HLA-DOB: variants seen among roughly 807,000 people sequenced by gnomAD.
HLA-DOB encodes major histocompatibility complex, class II, DO beta.
In HLA-DOB, 25 loss-of-function variants were observed where a neutral mutation model predicts 27.7. That is an observed-to-expected ratio of 0.90 (90% CI 0.66 to 1.26). The LOEUF is 1.26. HLA-DOB is among the 50% of genes most tolerant of loss of function. HLA-DOB has a pLI of 0.00. For missense variants in HLA-DOB, 306 were observed against 324.9 expected (o/e 0.94, Z 0.45); for synonymous variants, 137 against 125.6 (o/e 1.09, Z -0.61).
In HLA-DOB at chr6:32,813,832, T is replaced by C. The variant is rs778741202; in HGVS notation, c.645A>G (p.Arg215=). 2 of 1,536,398 alleles carry C rather than the reference T, an allele frequency of 1.3e-6. No individual in the cohort carries two copies. The highest frequency in any genetic ancestry group is 1.8e-6 in the Non-Finnish European group (2 of 1,131,074). The change falls in exon 4 of 6, where the codon AGA becomes AGG. Residue 215 remains arginine (R), a splice_region_variant and synonymous_variant. Coordinates refer to ENST00000438763, the MANE Select transcript of HLA-DOB (RefSeq NM_002120.4). Reference sequence around the variant, plus strand: ...TTCTCCAAGAATATTCAGACTGAGCTCCTATGGGAAACAGGTCTTTAAATT... The same window carrying C: ...TTCTCCAAGAATATTCAGACTGAGCCCCTATGGGAAACAGGTCTTTAAATT... ...SLLSPVSVEW[R]AQSEYSWRKM...
In HLA-DOB at chr6:32,815,071, C is replaced by T; in HGVS notation, c.334G>A (p.Gly112Ser). ...TTTCTCCCCACAGTGAAGGGTGCGC[C>T]CAGCCTGTAGTTGTGTCTACAGACC... Reference protein sequence around the residue: ...DGVCRHNYRLGAPFTVGRKVQ... With the variant: ...DGVCRHNYRLSAPFTVGRKVQ... The change falls in exon 2 of 6, where the codon GGC (glycine) becomes AGC (serine). Residue 112 changes from glycine (G) to serine (S), a missense_variant. Gly to Ser is a moderately conservative substitution (Grantham distance 56). Transcript: ENST00000438763. 1 of 1,614,162 alleles carries T rather than the reference C, an allele frequency of 6.2e-7. No homozygotes were observed. Among genetic ancestry groups the T allele is most frequent in the South Asian group, 1.1e-5 (1 of 91,084 alleles).
chr6:32,816,811 A>T lies in HLA-DOB; in HGVS notation c.91+50T>A, dbSNP rs776926902. 3 of 1,451,434 alleles carry T rather than the reference A, an allele frequency of 2.1e-6. No homozygotes were observed. In the African/African-American group the frequency reaches 4.2e-5, roughly 20 times the overall value. 89.9% of individuals were successfully genotyped at this position (1,451,434 alleles called of 1,614,324 possible). A position where few individuals can be genotyped will look rare whatever the true frequency, so the allele number is the denominator to read the frequency against. ...TTACAAAGAAAGGCATCACTCCCCC[A>T]TGCCAATTCTTGCATACACACTGGA... On this transcript the variant is annotated intron_variant, in intron 1 of 5. Coordinates refer to ENST00000438763, the MANE Select transcript of HLA-DOB (RefSeq NM_002120.4).
At chr6:32,813,535 G>A (rs1157273128) in intron 4 of HLA-DOB, 64 bp from the exon 5 acceptor site, 15 of 1,573,006 alleles carry the variant, frequency 9.5e-6, no homozygotes, top group South Asian at 6.7e-5. Context: ...TATCCCGAGG[G>A]AAGAACAAAT....
intron 3 of HLA-DOB, 26 bp from the exon 4 acceptor site, chr6:32,813,859 G>A: frequency 7.4e-7 from 1 of 1,344,404 alleles, no homozygotes; most frequent in South Asian, 1.3e-5. Flanking sequence ...CTTTAAATTA[G>A]TAAAAATATC....
chr6:32,813,053 G>T lies in HLA-DOB; in HGVS notation c.*163C>A. ...AAGGGCAGATGGGTGGGAGATGCAT[G>T]ATCTCAGAACACAGAGCTCCAGAAT... On this transcript the variant is annotated 3_prime_UTR_variant, in exon 6 of 6. Transcript: ENST00000438763. The T allele has an allele frequency of 7.2e-6, 5 of 697,046 alleles. No homozygotes were observed. The highest frequency in any genetic ancestry group is 1.3e-5 in the Non-Finnish European group (5 of 388,350). 43.2% of individuals were successfully genotyped at this position (697,046 alleles called of 1,614,324 possible).
At position 32,816,387 on chromosome 6, in the gene HLA-DOB, A is replaced by G. The variant is rs372417939; in HGVS notation, c.91+474T>C. The stretch of plus-strand genomic sequence containing the variant: ...CTCAAAACTGTTTAGTACAATTCTG[A>G]CAATATAATAGTGGCTTAATAAATG... On this transcript the variant is annotated intron_variant, in intron 1 of 5. Coordinates refer to ENST00000438763, the MANE Select transcript of HLA-DOB (RefSeq NM_002120.4). 1.4e-3 allele frequency among the ~76,000 whole-genome samples: 211 copies of G among 152,340 alleles called. 7 individuals carry two copies. In the South Asian group the frequency reaches 0.035, roughly 25 times the overall value.
In HLA-DOB at chr6:32,815,368, G is replaced by T; in HGVS notation, c.92-55C>A. 13 of 1,600,882 alleles carry T rather than the reference G, an allele frequency of 8.1e-6. No individual in the cohort carries two copies. The South Asian group carries it at 1.2e-4, about 15-fold the overall frequency. ...AGCCCCCTCCTCTGGGAAAACCCAT[G>T]CCTGGTAAATTACGTCAGACCACAT... On this transcript the variant is annotated intron_variant, in intron 1 of 5. Transcript: ENST00000438763.
intron 1 of HLA-DOB, among the ~76,000 whole-genome samples, chr6:32,816,141 C>T (rs1339359941): frequency 6.6e-6 from 1 of 152,062 alleles, no homozygotes; most frequent in Non-Finnish European, 1.5e-5. Flanking sequence ...CTCTCCTGGC[C>T]AGGTTTGTTC....
chr6:32,815,085 T>C lies in HLA-DOB; in HGVS notation c.320A>G (p.His107Arg). ...SRQAVDGVCR[H>R]NYRLGAPFTV... ...GAAGGGTGCGCCCAGCCTGTAGTTG[T>C]GTCTACAGACCCCATCCACGGCCTG... Residue 107 changes from histidine (H) to arginine (R), a missense_variant, in exon 2 of 6, where the codon CAC (histidine) becomes CGC (arginine). His to Arg is a conservative substitution (Grantham distance 29). Transcript: ENST00000438763. 6.2e-7 allele frequency: 1 copy of C among 1,614,212 alleles called. No individual in the cohort carries two copies. Among genetic ancestry groups the C allele is most frequent in the Non-Finnish European group, 8.5e-7 (1 of 1,180,016 alleles).
chr6:32,814,175 G>A, intron 3 of HLA-DOB, 145 bp downstream of exon 3: 1 of 758,822 alleles, frequency 1.3e-6, no homozygotes, highest in Non-Finnish European at 2.1e-6. Context: ...CCTAACCCAA[G>A]GACTCTGGTT....
chr6:32,815,412 T>C, intron 1 of HLA-DOB, 99 bp from the exon 2 acceptor site: 1 of 1,232,276 alleles, frequency 8.1e-7, no homozygotes, highest in Non-Finnish European at 1.2e-6. Flanking sequence ...GAGGAGGCCT[T>C]TGACCTCAGT....
chr6:32,815,518 T>G (rs28361064), intron 1 of HLA-DOB, among the ~76,000 whole-genome samples: 8,795 of 152,244 alleles, frequency 0.058, 342 homozygotes, highest in Middle Eastern at 0.13. Flanking sequence ...TAAAGAGCAA[T>G]AATGCTACAT....
At position 32,815,097 on chromosome 6, in the gene HLA-DOB, C is replaced by A. The variant is rs144814623; in HGVS notation, c.308G>T (p.Gly103Val). 2.1e-4 allele frequency: 336 copies of A among 1,614,176 alleles called. 2 individuals are homozygous for A. In the African/African-American group the frequency reaches 3.6e-3, roughly 17 times the overall value. Residue 103 changes from glycine to valine, a missense_variant, in exon 2 of 6, where the codon GGG becomes GTG. Coordinates refer to ENST00000438763, the MANE Select transcript of HLA-DOB (RefSeq NM_002120.4). ...LLERSRQAVD[G>V]VCRHNYRLGA... ...CAGCCTGTAGTTGTGTCTACAGACC[C>A]CATCCACGGCCTGTCTGCTCCTCTC...
chr6:32,815,160 G>C lies in HLA-DOB; in HGVS notation c.245C>G (p.Pro82Arg), dbSNP rs1476827145. Residue 82 changes from proline to arginine, a missense_variant, in exon 2 of 6, where the codon CCA becomes CGA. By Grantham distance (103) the Pro-to-Arg change is moderately radical. Coordinates refer to ENST00000438763, the MANE Select transcript of HLA-DOB (RefSeq NM_002120.4). ...CCGGCTGTTCCACTGCTCAGCATCT[G>C]GCTGCCCCAGCTTGGTCAATGCCAC... ...MFVALTKLGQPDAEQWNSRLD... is the reference protein window; with the variant it reads ...MFVALTKLGQRDAEQWNSRLD... 2 of 1,614,166 alleles carry C rather than the reference G, an allele frequency of 1.2e-6. No individual in the cohort carries two copies. Among genetic ancestry groups the C allele is most frequent in the Non-Finnish European group, 1.7e-6 (2 of 1,180,032 alleles).
In HLA-DOB at chr6:32,813,144, C is replaced by T; in HGVS notation, c.*72G>A. 7.3e-7 allele frequency: 1 copy of T among 1,378,860 alleles called. No homozygotes were observed. Among genetic ancestry groups the T allele is most frequent in the African/African-American group, 1.4e-5 (1 of 70,334 alleles). 85.4% of individuals were successfully genotyped at this position (1,378,860 alleles called of 1,614,324 possible). A position where few individuals can be genotyped will look rare whatever the true frequency, so the allele number is the denominator to read the frequency against. On this transcript the variant is annotated 3_prime_UTR_variant, in exon 6 of 6. Coordinates refer to ENST00000438763, the MANE Select transcript of HLA-DOB (RefSeq NM_002120.4). ...CCAGAACATTGACCTCATGAATGTC[C>T]TTTACCTCACCCAGGGCCCAGACTA...
At chr6:32,814,947 T>C in intron 2 of HLA-DOB, 97 bp downstream of exon 2, 1 of 1,376,742 alleles carries the variant, frequency 7.3e-7, no homozygotes, top group Non-Finnish European at 1.0e-6. Flanking sequence ...CAACCATTTA[T>C]CCTAAAGCAG....
At position 32,815,165 on chromosome 6, in the gene HLA-DOB, C is replaced by T. The variant is rs1292922198; in HGVS notation, c.240G>A (p.Gly80=). ...VGMFVALTKL[G]QPDAEQWNSR... is the part of the protein sequence containing the mutation. Reference sequence around the variant, plus strand: ...TGTTCCACTGCTCAGCATCTGGCTGCCCCAGCTTGGTCAATGCCACAAACA... The same window carrying T: ...TGTTCCACTGCTCAGCATCTGGCTGTCCCAGCTTGGTCAATGCCACAAACA... The change falls in exon 2 of 6, where the codon GGG becomes GGA. Residue 80 remains glycine, a synonymous_variant. Transcript: ENST00000438763. The T allele has an allele frequency of 3.7e-6, 6 of 1,614,126 alleles. No individual in the cohort carries two copies. The highest frequency in any genetic ancestry group is 1.7e-5 in the Admixed American group (1 of 59,998).
Position 32,813,829 on chromosome 6 carries a change from A to AG in HLA-DOB, c.647dup (p.Gln217SerfsTer3), listed in dbSNP as rs1394010004. 3 of 1,542,576 alleles carry AG rather than the reference A, an allele frequency of 1.9e-6. No individual in the cohort carries two copies. Among genetic ancestry groups the AG allele is most frequent in the Non-Finnish European group, 8.8e-7 (1 of 1,136,294 alleles). ...TCTTTCTCCAAGAATATTCAGACTGAGCTCCTATGGGAAACAGGTCTTTAA... is the reference window on the plus strand; with the variant it reads ...TCTTTCTCCAAGAATATTCAGACTGAGGCTCCTATGGGAAACAGGTCTTTAA... On this transcript the variant is annotated frameshift_variant, in exon 4 of 6. Coordinates refer to ENST00000438763, the MANE Select transcript of HLA-DOB (RefSeq NM_002120.4). LOFTEE classifies it high-confidence loss of function.
At chr6:32,814,070 A>C (rs1278681933) in intron 3 of HLA-DOB, 2 of 604,422 alleles carry the variant, frequency 3.3e-6, no homozygotes, top group Admixed American at 3.0e-5. Context: ...ATTAGAGGAC[A>C]CCAGTTCATA....
Sources: gnomAD v4.1 joint callset for allele counts (sites outside exome capture counted in the v4.1 genomes callset) on GRCh38, gnomAD v4.1.1 for gene constraint, MANE v1.5 for transcripts, NCBI Gene and HGNC (gene_info 2026-07-23, HGNC 2026-07-21) for gene names.